Variants in RUNX1 observed in about 807,000 individuals in gnomAD.
The protein encoded by RUNX1 is runt-related transcription factor 1.
A neutral mutation model predicts 42.8 loss-of-function variants in RUNX1; 19 were observed. That is an observed-to-expected ratio of 0.44 (90% confidence interval 0.31 to 0.65). The LOEUF (loss-of-function observed/expected upper bound fraction) is 0.65, where lower values mean the gene tolerates loss of function less well. Ranked by LOEUF, RUNX1 falls within the 30% of genes least tolerant of loss-of-function variation. The probability of loss-of-function intolerance (pLI) is 0.07; values close to 1 mark genes in which losing one functional copy is unlikely to be tolerated. For synonymous variants in RUNX1, 271 were observed against 289.4 expected (o/e 0.94, Z 0.64); for missense variants, 528 against 672.0 (o/e 0.79, Z 2.37).
chr21:34,889,577 G>C, intron 3 of RUNX1: 1 of 802,636 alleles, frequency 1.2e-6, no homozygotes, highest in Non-Finnish European at 1.6e-6. Flanking sequence ...CAGCCGGACA[G>C]CCTGCCCGGG....
intron 7 of RUNX1, among the ~76,000 whole-genome samples, chr21:34,832,418 G>A (rs2057076461): frequency 6.6e-6 from 1 of 152,146 alleles, no homozygotes; most frequent in South Asian, 2.1e-4. Context: ...CCATGTGGCT[G>A]AATTTTCCAT....
intron 2 of RUNX1, among the ~76,000 whole-genome samples, chr21:34,998,416 T>C (rs2059013365): frequency 1.3e-5 from 2 of 151,938 alleles, no homozygotes; most frequent in South Asian, 4.2e-4. Context: ...CCCACCTCCA[T>C]CCTTCATCCT....
rs1248881830 is a variant in RUNX1, at chr21:34,901,937, G to C, written c.59-8974C>G. On this transcript the variant is annotated intron_variant, in intron 2 of 8. Transcript: ENST00000675419. The surrounding 1 kb of genome is among the most constrained non-coding windows in gnomAD (Gnocchi z 4.3). ...GTCTATAAAGTTGCTAATACTTCTG[G>C]AGTCTGCTTTCTTTTGTAATCTGCT... Among the ~76,000 whole-genome samples the C allele has an allele frequency of 6.6e-6, 1 of 152,158 alleles. No individual in the cohort carries two copies.
chr21:35,011,251 T>G (rs936668729), intron 2 of RUNX1, among the ~76,000 whole-genome samples: 6 of 152,168 alleles, frequency 3.9e-5, no homozygotes, highest in African/African-American at 1.4e-4. Flanking sequence ...AGTTCAGGAA[T>G]AGTGAAGATG....
intron 7 of RUNX1, among the ~76,000 whole-genome samples, chr21:34,831,619 T>C (rs1461036784): frequency 2.0e-5 from 3 of 152,234 alleles, no homozygotes; most frequent in Admixed American, 1.3e-4. Context: ...ACAGCACCAC[T>C]GTGGAACTAC....
intron 5 of RUNX1, among the ~76,000 whole-genome samples, chr21:34,868,416 C>T (rs887697492): frequency 6.6e-6 from 1 of 152,068 alleles, no homozygotes; most frequent in Non-Finnish European, 1.5e-5. Context: ...AGGATCAGAC[C>T]AAATTCCCAA....
At chr21:34,967,883 G>A (rs560845597) in intron 2 of RUNX1, among the ~76,000 whole-genome samples, 25 of 152,296 alleles carry the variant, frequency 1.6e-4, no homozygotes, top group African/African-American at 5.3e-4. Context: ...TCTTTTCCAC[G>A]TCAGATTGAA....
At position 34,887,237 on chromosome 21, in the gene RUNX1, G is replaced by T; in HGVS notation, c.98-141C>A. The T allele has an allele frequency of 5.8e-6, 7 of 1,215,036 alleles. 1 individual carries two copies. The South Asian group carries it at 8.5e-5, about 15-fold the overall frequency. The allele number at this position is 1,215,036 out of a possible 1,614,324, so 75.3% of individuals were successfully genotyped here. On this transcript the variant is annotated intron_variant, in intron 3 of 8. Coordinates refer to ENST00000675419, the MANE Select transcript of RUNX1 (RefSeq NM_001754.5). ...ACGTTCAGGGGCCTTTATTACTGCG[G>T]GGGGTGGGGGGGGGCGGGGGTGGTT...
intron 6 of RUNX1, among the ~76,000 whole-genome samples, chr21:34,835,987 G>A (rs1035073359): frequency 4.6e-5 from 7 of 152,200 alleles, no homozygotes; most frequent in Admixed American, 1.3e-4. Flanking sequence ...ATTTCTTCCT[G>A]CTGCCAGGCC....
At chr21:34,883,330 T>A (rs1194730240) in intron 4 of RUNX1, among the ~76,000 whole-genome samples, 2 of 152,184 alleles carry the variant, frequency 1.3e-5, no homozygotes, top group African/African-American at 4.8e-5. Context: ...TGAGGGTTTT[T>A]TTTTGGTGGA....
At chr21:34,943,405 A>C (rs970008756) in intron 2 of RUNX1, among the ~76,000 whole-genome samples, 1 of 152,208 alleles carries the variant, frequency 6.6e-6, no homozygotes, top group Non-Finnish European at 1.5e-5. Context: ...AACTCAACAA[A>C]GGATGCTTAA....
At chr21:34,854,774 A>G (rs1032596240) in intron 6 of RUNX1, among the ~76,000 whole-genome samples, 1 of 152,024 alleles carries the variant, frequency 6.6e-6, no homozygotes, top group Non-Finnish European at 1.5e-5. Flanking sequence ...CAGAGAGCAG[A>G]GGCAACGCTG....
At chr21:35,040,844 C>T (rs988634307) in intron 2 of RUNX1, among the ~76,000 whole-genome samples, 9 of 151,448 alleles carry the variant, frequency 5.9e-5, no homozygotes, top group Non-Finnish European at 1.0e-4. Flanking sequence ...GAATACCCTG[C>T]GGTGTGTTCA....
chr21:34,962,944 G>A (rs1001844312), intron 2 of RUNX1, among the ~76,000 whole-genome samples: 1 of 152,308 alleles, frequency 6.6e-6, no homozygotes. Flanking sequence ...ATCTAAGAGA[G>A]CCCCCAGCAA....
At chr21:34,992,302 T>G (rs551708338) in intron 2 of RUNX1, among the ~76,000 whole-genome samples, 1 of 152,328 alleles carries the variant, frequency 6.6e-6, no homozygotes, top group African/African-American at 2.4e-5. Flanking sequence ...CAGGCCAGCA[T>G]GTTCCTCTCC....
rs2057984730 is a variant in RUNX1, at chr21:34,886,247, G to A, written c.351+596C>T. ...TACTTGCGGCTTCTGGCAGGAGCAG[G>A]CTAAAAAGCTCAGAGAACTCTTCAG... On this transcript the variant is annotated intron_variant, in intron 4 of 8. Coordinates refer to ENST00000675419, the MANE Select transcript of RUNX1 (RefSeq NM_001754.5). Among the ~76,000 whole-genome samples the A allele has an allele frequency of 2.0e-5, 3 of 152,202 alleles. No individual in the cohort carries two copies. The South Asian group carries it at 6.2e-4, about 32-fold the overall frequency.
At chr21:34,965,027 G>A (rs914785605) in intron 2 of RUNX1, among the ~76,000 whole-genome samples, 1 of 151,992 alleles carries the variant, frequency 6.6e-6, no homozygotes, top group African/African-American at 2.4e-5. Context: ...TGTAGGCAGG[G>A]ATGTGAATAC....
intron 2 of RUNX1, among the ~76,000 whole-genome samples, chr21:34,973,197 C>A (rs562857172): frequency 1.3e-5 from 2 of 152,294 alleles, no homozygotes; most frequent in South Asian, 4.2e-4. Flanking sequence ...ATGTAGGAAT[C>A]TTTTATTCAG....
At chr21:34,844,328 T>C (rs2057286154) in intron 6 of RUNX1, among the ~76,000 whole-genome samples, 1 of 152,022 alleles carries the variant, frequency 6.6e-6, no homozygotes, top group Admixed American at 6.6e-5. Context: ...AGTCCTGGGG[T>C]AGACAGGCAA....
Sources: gnomAD v4.1 joint callset for allele counts (sites outside exome capture counted in the v4.1 genomes callset) on GRCh38, gnomAD v4.1.1 for gene constraint, Gnocchi (gnomAD v3.1) non-coding constraint, MANE v1.5 for transcripts, NCBI Gene and HGNC (gene_info 2026-07-23, HGNC 2026-07-21) for gene names.